SETD9: variants seen among roughly 807,000 people sequenced by gnomAD.
SETD9 encodes SET domain-containing protein 9.
Under a neutral mutation model 36.4 loss-of-function variants are expected in SETD9, and 37 were observed. The observed-to-expected ratio is 1.02, with a 90% confidence interval of 0.78 to 1.34. The LOEUF (loss-of-function observed/expected upper bound fraction) is 1.34. SETD9 is among the 40% of genes most tolerant of loss of function. The pLI is 0.00. For synonymous variants in SETD9, 128 were observed against 132.9 expected (o/e 0.96, Z 0.26); for missense variants, 323 against 353.2 (o/e 0.91, Z 0.69).
intron 5 of SETD9, among the ~76,000 whole-genome samples, chr5:56,915,872 G>T (rs910933614): frequency 6.6e-6 from 1 of 152,130 alleles, no homozygotes; most frequent in Non-Finnish European, 1.5e-5. Context: ...GCTGAGGTGG[G>T]AGGATCCTTG....
intron 5 of SETD9, among the ~76,000 whole-genome samples, chr5:56,916,418 G>A (rs1483395286): frequency 6.6e-6 from 1 of 152,098 alleles, no homozygotes; most frequent in Non-Finnish European, 1.5e-5. Context: ...ATTTTATGAT[G>A]TCCAGAAAAA....
chr5:56,928,039 C>G (rs1750081857), downstream of SETD9: 3 of 150,948 alleles, frequency 2.0e-5, no homozygotes, highest in Non-Finnish European at 4.4e-5. Flanking sequence ...CTCCTTGCGG[C>G]TTGTTAGCTC....
chr5:56,909,753 C>T lies in SETD9; in HGVS notation c.98+10C>T. On this transcript the variant is annotated intron_variant, in intron 1 of 5. Coordinates refer to ENST00000285947, the MANE Select transcript of SETD9 (RefSeq NM_153706.4). ...TAAGCCACAACCCGAGGTGAGAGGGCGGGACGGCAGAACGAGGGGCACCTG... is the reference window on the plus strand; with the variant it reads ...TAAGCCACAACCCGAGGTGAGAGGGTGGGACGGCAGAACGAGGGGCACCTG... 1 of 1,606,706 alleles carries T rather than the reference C, an allele frequency of 6.2e-7. No individual in the cohort carries two copies. Among genetic ancestry groups the T allele is most frequent in the Non-Finnish European group, 8.5e-7 (1 of 1,176,336 alleles).
upstream of SETD9, chr5:56,909,545 A>C: frequency 1.2e-6 from 1 of 824,484 alleles, no homozygotes; most frequent in Non-Finnish European, 1.8e-6. Context: ...AGCCAGGGGA[A>C]GGCGGCCGAG....
intron 5 of SETD9, among the ~76,000 whole-genome samples, chr5:56,916,199 C>T (rs1749416053): frequency 6.6e-6 from 1 of 152,180 alleles, no homozygotes; most frequent in Non-Finnish European, 1.5e-5. Context: ...TGAGAACAGC[C>T]TGACCAACAT....
chr5:56,919,012 G>A (rs529724592), downstream of SETD9, among the ~76,000 whole-genome samples: 3 of 152,106 alleles, frequency 2.0e-5, no homozygotes, highest in East Asian at 3.9e-4. Flanking sequence ...AATAATATTT[G>A]ACCAAATTTC....
chr5:56,925,349 C>T (rs1469719595), exon 6 of SETD9: 6 of 454,136 alleles, frequency 1.3e-5, no homozygotes, highest in Non-Finnish European at 2.2e-5. Context: ...TGACTGTCTA[C>T]GTAGAAAACT....
chr5:56,925,685 G>C (rs1344020743), downstream of SETD9, among the ~76,000 whole-genome samples: 1 of 152,114 alleles, frequency 6.6e-6, no homozygotes, highest in Non-Finnish European at 1.5e-5. Flanking sequence ...TTCCTAGCTT[G>C]ATCTACCGAT....
At chr5:56,918,829 C>CA (rs1338972907), downstream of SETD9, among the ~76,000 whole-genome samples, 1 of 152,158 alleles carries the variant, frequency 6.6e-6, no homozygotes, top group Non-Finnish European at 1.5e-5. Flanking sequence ...AATGGAACTA[C>CA]ATAAAGCTCT....
chr5:56,912,176 C>T (rs1054961950), intron 2 of SETD9: 2 of 983,760 alleles, frequency 2.0e-6, no homozygotes, highest in East Asian at 1.1e-4. Context: ...AAAAAAAAAG[C>T]GTACGGATCA....
In SETD9 at chr5:56,909,750, G is replaced by A; in HGVS notation, c.98+7G>A. 1 of 1,608,454 alleles carries A rather than the reference G, an allele frequency of 6.2e-7. No homozygotes were observed. The highest frequency in any genetic ancestry group is 8.5e-7 in the Non-Finnish European group (1 of 1,177,464). On this transcript the variant is annotated splice_region_variant and intron_variant, in intron 1 of 5. Coordinates refer to ENST00000285947, the MANE Select transcript of SETD9 (RefSeq NM_153706.4). ...ACCTAAGCCACAACCCGAGGTGAGA[G>A]GGCGGGACGGCAGAACGAGGGGCAC...
At chr5:56,912,822 A>G (rs563801032) in intron 2 of SETD9, among the ~76,000 whole-genome samples, 189 bp from the exon 3 acceptor site, 16 of 152,314 alleles carry the variant, frequency 1.1e-4, no homozygotes, top group Non-Finnish European at 2.2e-4. Flanking sequence ...ATCATTAACC[A>G]AGATAGCCAT....
At chr5:56,912,937 A>G in intron 2 of SETD9, 74 bp from the exon 3 acceptor site, 1 of 1,462,844 alleles carries the variant, frequency 6.8e-7, no homozygotes, top group South Asian at 1.2e-5. Context: ...ATTATATTCC[A>G]AAGAAGGGTT....
intron 5 of SETD9, among the ~76,000 whole-genome samples, chr5:56,925,022 C>A (rs1337458876): frequency 6.6e-6 from 1 of 152,108 alleles, no homozygotes; most frequent in Non-Finnish European, 1.5e-5. Context: ...ATCTCTAGTG[C>A]CTAAAACAAT....
At chr5:56,917,507 C>T (rs832535), downstream of SETD9, among the ~76,000 whole-genome samples, 79,872 of 152,002 alleles carry the variant, frequency 0.53, 22,606 homozygotes, top group Non-Finnish European at 0.64. Flanking sequence ...ACTTATTCCC[C>T]GTGTCTCATG....
intron 1 of SETD9, chr5:56,910,336 G>T (rs1400741654): frequency 3.5e-5 from 45 of 1,304,178 alleles, no homozygotes; most frequent in Non-Finnish European, 4.3e-5. Context: ...TAGCTCGCGC[G>T]TTAAGAACGG....
chr5:56,920,381 T>C (rs1188321164), downstream of SETD9: 2 of 152,476 alleles, frequency 1.3e-5, no homozygotes, highest in East Asian at 1.9e-4. Flanking sequence ...ATAAAAGATA[T>C]ATCAGCCAAC....
chr5:56,925,515 C>A, exon 6 of SETD9: 1 of 228,258 alleles, frequency 4.4e-6, no homozygotes, highest in South Asian at 4.9e-5. Flanking sequence ...ACATTAGCAC[C>A]CCAAAATTAA....
Position 56,917,161 on chromosome 5 carries a change from TA to T in SETD9, c.*263del. 1 of 1,136,370 alleles carries T rather than the reference TA, an allele frequency of 8.8e-7. No homozygotes were observed. The highest frequency in any genetic ancestry group is 2.8e-5 in the South Asian group (1 of 36,278). 70.4% of individuals were successfully genotyped at this position (1,136,370 alleles called of 1,614,324 possible). On this transcript the variant is annotated 3_prime_UTR_variant, in exon 6 of 6. Coordinates refer to ENST00000285947, the MANE Select transcript of SETD9 (RefSeq NM_153706.4). ...CTAAATACACAATAGCTTATTAAAT[TA>T]AAACCTACTCTTTGAACTTATAATT...
Sources: gnomAD v4.1 joint callset for allele counts (sites outside exome capture counted in the v4.1 genomes callset) on GRCh38, gnomAD v4.1.1 for gene constraint, MANE v1.5 for transcripts, NCBI Gene and HGNC (gene_info 2026-07-23, HGNC 2026-07-21) for gene names.